ITGA11: variants seen among roughly 807,000 people sequenced by gnomAD.
The protein encoded by ITGA11 is integrin subunit alpha 11, also known as integrin alpha-11.
ITGA11 carries 97 observed loss-of-function variants against 141.9 expected under a neutral mutation model. That is an observed-to-expected ratio of 0.68 (90% CI 0.58 to 0.81). ITGA11 has a LOEUF of 0.81. Among genes scored for constraint, ITGA11 ranks in the 30% least tolerant of loss-of-function variants. The pLI is 0.00. For missense variants in ITGA11, 1,387 were observed against 1,559.2 expected (o/e 0.89, Z 1.86); for synonymous variants, 658 against 624.6 (o/e 1.05, Z -0.80).
At chr15:68,388,801 A>G (rs983592697) in intron 2 of ITGA11, among the ~76,000 whole-genome samples, 2 of 152,040 alleles carry the variant, frequency 1.3e-5, no homozygotes, top group African/African-American at 4.8e-5. Flanking sequence ...AGCCAAATTG[A>G]TCACCAAAAT....
rs2140341543 is a variant in ITGA11, at chr15:68,357,252, G to A, written c.648C>T (p.Leu216=). The stretch of plus-strand genomic sequence containing the variant: ...CATCTTTTACAGACCTGTAGTCGTT[G>A]AGGTGAAACTCATGCACCACATCTT... ...YGEDVVHEFH[L]NDYRSVKDVV... Residue 216 remains leucine, a synonymous_variant, in exon 7 of 30, where the codon CTC becomes CTT. Coordinates refer to ENST00000315757, the MANE Select transcript of ITGA11 (RefSeq NM_001004439.2). The A allele has an allele frequency of 1.2e-6, 2 of 1,613,868 alleles. No individual in the cohort carries two copies. The highest frequency in any genetic ancestry group is 1.6e-4 in the Middle Eastern group (1 of 6,062).
At chr15:68,386,828 G>C (rs1895996287) in intron 2 of ITGA11, among the ~76,000 whole-genome samples, 1 of 152,172 alleles carries the variant, frequency 6.6e-6, no homozygotes, top group East Asian at 1.9e-4. Context: ...CCTGGATGGG[G>C]CTCTTTATCC....
intron 1 of ITGA11, among the ~76,000 whole-genome samples, chr15:68,417,395 T>C (rs956242639): frequency 6.6e-6 from 1 of 152,206 alleles, no homozygotes; most frequent in African/African-American, 2.4e-5. Context: ...TCCTCTCCAA[T>C]GTGCCCACTC....
chr15:68,303,751 C>T lies in ITGA11; in HGVS notation c.3495+21G>A. On this transcript the variant is annotated intron_variant, in intron 29 of 29. Transcript: ENST00000315757. The surrounding 1 kb of genome is among the most constrained non-coding windows in gnomAD (Gnocchi z 5.3). The stretch of plus-strand genomic sequence containing the variant: ...CACCAGCCAGGATGCTGCTCCTTCC[C>T]TCCCCTGCCAGGGCCCTCACCTTCC... 1.9e-6 allele frequency: 3 copies of T among 1,550,018 alleles called. No homozygotes were observed. Among genetic ancestry groups the T allele is most frequent in the Non-Finnish European group, 2.7e-6 (3 of 1,125,642 alleles).
At position 68,406,403 on chromosome 15, in the gene ITGA11, C is replaced by T. The variant is rs146070961; in HGVS notation, c.53-3374G>A. Among the ~76,000 whole-genome samples, 132 of 152,260 alleles carry T rather than the reference C, an allele frequency of 8.7e-4. 1 individual carries two copies. In the South Asian group the frequency reaches 9.8e-3, roughly 11 times the overall value. On this transcript the variant is annotated intron_variant, in intron 1 of 29. Coordinates refer to ENST00000315757, the MANE Select transcript of ITGA11 (RefSeq NM_001004439.2). The stretch of plus-strand genomic sequence containing the variant: ...GACCCTCTCGCTGTCCTTCCAACTT[C>T]AGACTCGTTCTCTGCTCAGCATCTT...
At chr15:68,350,594 C>A (rs533705547) in intron 9 of ITGA11, 23 bp downstream of exon 9, 6 of 1,604,030 alleles carry the variant, frequency 3.7e-6, no homozygotes, top group Non-Finnish European at 5.1e-6. Flanking sequence ...AGAGTGGATC[C>A]CCTCTTAGCA....
chr15:68,382,638 C>T (rs2140378749), intron 2 of ITGA11, among the ~76,000 whole-genome samples: 1 of 152,366 alleles, frequency 6.6e-6, no homozygotes, highest in Non-Finnish European at 1.5e-5. Flanking sequence ...TGGGGGTTCA[C>T]AGCCTCCCTT....
intron 10 of ITGA11, among the ~76,000 whole-genome samples, chr15:68,340,081 C>T (rs1043680043): frequency 2.0e-5 from 3 of 152,102 alleles, no homozygotes; most frequent in South Asian, 4.1e-4. Context: ...CTTCCCTGCA[C>T]GTAAATCCTA....
At chr15:68,350,524 C>T in intron 9 of ITGA11, 93 bp downstream of exon 9, 2 of 1,231,264 alleles carry the variant, frequency 1.6e-6, no homozygotes, top group Admixed American at 4.6e-5. Context: ...CTTGTTAAGC[C>T]ATTTCGTTTT....
At chr15:68,344,211 C>T (rs1189953126) in intron 10 of ITGA11, among the ~76,000 whole-genome samples, 2 of 152,030 alleles carry the variant, frequency 1.3e-5, no homozygotes, top group East Asian at 1.9e-4. Flanking sequence ...GTCCTGGACC[C>T]CTGGGGAGAG....
chr15:68,315,293 T>C (rs548836853), intron 22 of ITGA11, among the ~76,000 whole-genome samples: 1 of 152,358 alleles, frequency 6.6e-6, no homozygotes, highest in South Asian at 2.1e-4. Context: ...TAACCCCTGC[T>C]TTGATGATCT....
At position 68,307,682 on chromosome 15, in the gene ITGA11, A is replaced by G; in HGVS notation, c.3189T>C (p.Ser1063=). 6.2e-7 allele frequency: 1 copy of G among 1,613,310 alleles called. No homozygotes were observed. The highest frequency in any genetic ancestry group is 8.5e-7 in the Non-Finnish European group (1 of 1,179,354). The change falls in exon 27 of 30, where the codon TCT becomes TCC. Residue 1063 remains serine (S), a synonymous_variant. Coordinates refer to ENST00000315757, the MANE Select transcript of ITGA11 (RefSeq NM_001004439.2). This position sits in a 1 kb window ranked among gnomAD's most constrained non-coding sequence, Gnocchi z 6.1. ...RRAPQLNHSN[S]DVVSINCNIR... is the part of the protein sequence containing the mutation. The stretch of plus-strand genomic sequence containing the variant: ...TATTGCAGTTGATGGAGACGACATC[A>G]GAGTTGCTGTGATTCTGAAAGAGAA...
chr15:68,375,631 C>T (rs567155868), intron 2 of ITGA11, among the ~76,000 whole-genome samples: 3 of 152,324 alleles, frequency 2.0e-5, no homozygotes, highest in South Asian at 2.1e-4. Flanking sequence ...TCTGGTGAGG[C>T]CTGGCCTCGT....
Position 68,331,046 on chromosome 15 carries a change from C to T in ITGA11, c.1836G>A (p.Leu612=), listed in dbSNP as rs777134814. The change falls in exon 15 of 30, where the codon TTG becomes TTA. Residue 612 remains leucine, a synonymous_variant. Transcript: ENST00000315757. ...QYFGCSIHGQ[L]DLNEDGLIDL... is the part of the protein sequence containing the mutation. ...CGATGAGCCCATCCTCATTGAGGTC[C>T]AATTGCCCGTGGATGCTGCAGCCAA... 1 of 1,612,574 alleles carries T rather than the reference C, an allele frequency of 6.2e-7. No individual in the cohort carries two copies. Among genetic ancestry groups the T allele is most frequent in the South Asian group, 1.1e-5 (1 of 90,684 alleles).
chr15:68,335,747 T>C lies in ITGA11; in HGVS notation c.1375A>G (p.Met459Val), dbSNP rs765440239. ...ATGGTGAGGCTCCGGTTGTTGTGCA[T>C]GGTGAACAGGATGACCTTGCCCGTG... ...NHTGKVILFT[M>V]HNNRSLTIHQ... Residue 459 changes from methionine (M) to valine (V), a missense_variant, in exon 12 of 30, where the codon ATG becomes GTG. Transcript: ENST00000315757. The surrounding 1 kb of genome is among the most constrained non-coding windows in gnomAD (Gnocchi z 4.9). 1.9e-6 allele frequency: 3 copies of C among 1,613,784 alleles called. No homozygotes were observed. The highest frequency in any genetic ancestry group is 2.7e-5 in the African/African-American group (2 of 74,944).
chr15:68,303,769 C>T lies in ITGA11; in HGVS notation c.3495+3G>A, dbSNP rs1193685835. ...TCCTTCCCTCCCCTGCCAGGGCCCT[C>T]ACCTTCCACAGTGCCAGGACCAGCA... On this transcript the variant is annotated splice_donor_region_variant and intron_variant, in intron 29 of 29. Transcript: ENST00000315757. The surrounding 1 kb of genome is among the most constrained non-coding windows in gnomAD (Gnocchi z 5.3). 1.2e-6 allele frequency: 2 copies of T among 1,601,304 alleles called. No individual in the cohort carries two copies. The highest frequency in any genetic ancestry group is 2.2e-5 in the South Asian group (2 of 90,370).
chr15:68,390,385 C>T (rs1037610052), intron 2 of ITGA11, among the ~76,000 whole-genome samples: 1 of 152,060 alleles, frequency 6.6e-6, no homozygotes, highest in Non-Finnish European at 1.5e-5. Flanking sequence ...TGGATTCTTC[C>T]CTGGGGGCAA....
intron 1 of ITGA11, among the ~76,000 whole-genome samples, chr15:68,429,208 C>G (rs1897214218): frequency 6.6e-6 from 1 of 152,198 alleles, no homozygotes; most frequent in Non-Finnish European, 1.5e-5. Flanking sequence ...GGTGAGGAAA[C>G]TGAGGCACAG....
At chr15:68,316,098 G>A (rs537860924) in intron 21 of ITGA11, among the ~76,000 whole-genome samples, 1 of 152,364 alleles carries the variant, frequency 6.6e-6, no homozygotes, top group African/African-American at 2.4e-5. Context: ...AGGAAGGGCC[G>A]ATGGCCATCG....
Sources: allele counts gnomAD v4.1 joint callset (sites outside exome capture counted in the v4.1 genomes callset), GRCh38; gene constraint gnomAD v4.1.1; non-coding constraint Gnocchi (gnomAD v3.1); transcripts MANE v1.5; gene names NCBI Gene and HGNC (gene_info 2026-07-23, HGNC 2026-07-21).